The following RAD51B variants were observed in gnomAD, a reference collection of about 807,000 sequenced individuals.
RAD51B encodes the protein DNA repair protein RAD51 homolog 2.
In RAD51B, 38 loss-of-function variants were observed where a neutral mutation model predicts 42.2. That is an observed-to-expected ratio of 0.90 (90% CI 0.70 to 1.18). RAD51B has a LOEUF of 1.18. RAD51B is among the 50% of genes most tolerant of loss of function. The pLI is 0.00. For missense variants in RAD51B, 373 were observed against 400.7 expected (o/e 0.93, Z 0.59); for synonymous variants, 154 against 145.2 (o/e 1.06, Z -0.43).
At chr14:68,459,634 A>G (rs117743356) in intron 9 of RAD51B, among the ~76,000 whole-genome samples, 4,958 of 152,322 alleles carry the variant, frequency 0.033, 108 homozygotes, top group Non-Finnish European at 0.05. Context: ...GCTGATCATG[A>G]GGGAGACTGA....
At chr14:68,400,398 T>A (rs1444183011) in intron 8 of RAD51B, among the ~76,000 whole-genome samples, 1 of 152,208 alleles carries the variant, frequency 6.6e-6, no homozygotes, top group African/African-American at 2.4e-5. Context: ...TGATGTTTTT[T>A]CCAGCACTCA....
chr14:68,018,495 G>T (rs1422907643), intron 7 of RAD51B, among the ~76,000 whole-genome samples: 1 of 152,100 alleles, frequency 6.6e-6, no homozygotes, highest in Admixed American at 6.6e-5. Flanking sequence ...CTATTTACTT[G>T]GTGTGGGCGA....
intron 10 of RAD51B, among the ~76,000 whole-genome samples, chr14:68,604,030 G>T (rs1376701321): frequency 6.6e-6 from 1 of 152,238 alleles, no homozygotes; most frequent in Non-Finnish European, 1.5e-5. Context: ...CCTGAACTTT[G>T]TATTTCTTAG....
chr14:68,477,607 T>C (rs2140254290), intron 10 of RAD51B, 41 bp from the exon 11 acceptor site: 1 of 1,592,180 alleles, frequency 6.3e-7, no homozygotes, highest in Middle Eastern at 1.7e-4. Flanking sequence ...CATAACAATT[T>C]TTTTTTTTCA....
At chr14:68,090,811 A>G (rs916567932) in intron 7 of RAD51B, among the ~76,000 whole-genome samples, 1 of 150,634 alleles carries the variant, frequency 6.6e-6, no homozygotes, top group South Asian at 2.1e-4. Context: ...TTAACTTGTC[A>G]TTTAGCATTA....
At chr14:68,206,288 G>A (rs1372812828) in intron 7 of RAD51B, among the ~76,000 whole-genome samples, 2 of 152,132 alleles carry the variant, frequency 1.3e-5, no homozygotes, top group Admixed American at 1.3e-4. Context: ...TCCAGGTCAA[G>A]GCATTGTCTA....
rs1168052423 is a variant in RAD51B at position 67,823,514 on chromosome 14, GTTC to G, written c.-2-22_-2-20del. On this transcript the variant is annotated intron_variant, in intron 1 of 10. Transcript: ENST00000471583. ...GTTATATTCTGTTGTTTTTTTCATG[GTTC>G]TTCTTTTCTTTGCTGGATCTGGAGG... 5 of 1,593,462 alleles carry G rather than the reference GTTC, an allele frequency of 3.1e-6. No individual in the cohort carries two copies. The Admixed American group carries it at 5.2e-5, about 17-fold the overall frequency.
rs140213534 is a variant in RAD51B at position 68,057,821 on chromosome 14, T to TTGTGTGTGTGTGTG, written c.756+170641_756+170654dup. Among the ~76,000 whole-genome samples, 423 of 138,656 alleles carry TTGTGTGTGTGTGTG rather than the reference T, an allele frequency of 3.1e-3. 3 individuals carry two copies. The highest frequency in any genetic ancestry group is 0.011 in the African/African-American group (406 of 38,130). The allele number at this position is 138,656 out of a possible 152,430, so 91.0% of individuals were successfully genotyped here. On this transcript the variant is annotated intron_variant, in intron 7 of 10. Transcript: ENST00000471583. The stretch of plus-strand genomic sequence containing the variant: ...AATGTGACTGTAACCTTTTAGTTCT[T>TTGTGTGTGTGTGTG]TGTGTGTGTGTGTGTGTGTGTGTGT...
chr14:68,475,011 G>A (rs368682453), intron 10 of RAD51B, among the ~76,000 whole-genome samples: 13 of 152,162 alleles, frequency 8.5e-5, no homozygotes, highest in East Asian at 1.9e-4. Flanking sequence ...GGATGTTGCC[G>A]TTACCATGGT....
chr14:68,170,041 C>CT (rs2078837984), intron 7 of RAD51B, among the ~76,000 whole-genome samples: 1 of 152,116 alleles, frequency 6.6e-6, no homozygotes, highest in South Asian at 2.1e-4. Flanking sequence ...GCCTTTCTTA[C>CT]TGAGGGTTGT....
chr14:68,438,611 C>T (rs1310205071), intron 9 of RAD51B, among the ~76,000 whole-genome samples: 1 of 152,116 alleles, frequency 6.6e-6, no homozygotes, highest in Non-Finnish European at 1.5e-5. Flanking sequence ...TTTGTCTTCC[C>T]CTGCCTCCCA....
chr14:67,995,863 C>T (rs561989859), intron 7 of RAD51B, among the ~76,000 whole-genome samples: 126 of 152,094 alleles, frequency 8.3e-4, no homozygotes, highest in African/African-American at 2.2e-3. Flanking sequence ...GTGATCCGCC[C>T]GCCTTGGCCT....
At chr14:68,330,358 C>T (rs1005454191) in intron 8 of RAD51B, among the ~76,000 whole-genome samples, 6 of 152,158 alleles carry the variant, frequency 3.9e-5, no homozygotes, top group Admixed American at 6.5e-5. Context: ...CCAGATGTTT[C>T]CCCCTTCCAC....
At chr14:68,306,757 C>A in intron 8 of RAD51B, 1 of 370,550 alleles carries the variant, frequency 2.7e-6, no homozygotes, top group South Asian at 2.2e-5. Context: ...CTTGCATGGC[C>A]GAAGTGAGAT....
At chr14:68,666,617 A>G (rs1182624993) in intron 11 of RAD51B, among the ~76,000 whole-genome samples, 1 of 152,128 alleles carries the variant, frequency 6.6e-6, no homozygotes, top group Admixed American at 6.6e-5. Context: ...CAACCAGACC[A>G]TTTCTATTGA....
rs567480370 is a variant in RAD51B at position 68,326,138 on chromosome 14, T to G, written c.853+34158T>G. Among the ~76,000 whole-genome samples, 6 of 147,102 alleles carry G rather than the reference T, an allele frequency of 4.1e-5. No individual in the cohort carries two copies. The South Asian group carries it at 1.1e-3, about 27-fold the overall frequency. ...TCACTGCAACCTTCGCCTCCCAGGT[T>G]CAAGCAATTCTCCTGTCTCAGCCTC... On this transcript the variant is annotated intron_variant, in intron 8 of 10. Coordinates refer to ENST00000471583, the MANE Select transcript of RAD51B (RefSeq NM_133510.4).
intron 9 of RAD51B, among the ~76,000 whole-genome samples, chr14:68,428,729 AT>A (rs1566878415): frequency 1.1e-3 from 9 of 8,036 alleles, no homozygotes; most frequent in East Asian, 0.056. Context: ...ATATATATAT[AT>A]ATATATATAT....
Position 68,291,907 on chromosome 14 carries a change from A to C in RAD51B, c.780A>C (p.Thr260=). The change falls in exon 8 of 11, where the codon ACA becomes ACC. Residue 260 remains threonine (T), a synonymous_variant. Coordinates refer to ENST00000471583, the MANE Select transcript of RAD51B (RefSeq NM_133510.4). Reference sequence around the variant, plus strand: ...AGGTTATCTTGACGAATCAGATTACAACCCATCTGAGTGGAGCCCTGGCTT... The same window carrying C: ...AGGTTATCTTGACGAATCAGATTACCACCCATCTGAGTGGAGCCCTGGCTT... ...SIPVILTNQI[T]THLSGALASQ... is the part of the protein sequence containing the mutation. The C allele has an allele frequency of 6.8e-6, 11 of 1,613,680 alleles. No homozygotes were observed. The highest frequency in any genetic ancestry group is 9.3e-6 in the Non-Finnish European group (11 of 1,179,644).
chr14:67,931,974 TTTC>T (rs148657340), intron 7 of RAD51B, among the ~76,000 whole-genome samples: 17,418 of 152,244 alleles, frequency 0.11, 1,326 homozygotes, highest in Middle Eastern at 0.28. Flanking sequence ...ATTTTTAACT[TTTC>T]TTCAACTTTT....
Sources: gnomAD v4.1 joint callset for allele counts (sites outside exome capture counted in the v4.1 genomes callset) on GRCh38, gnomAD v4.1.1 for gene constraint, MANE v1.5 for transcripts, NCBI Gene and HGNC (gene_info 2026-07-23, HGNC 2026-07-21) for gene names.